The following TMEM132D variants were observed in gnomAD, a reference collection of about 807,000 sequenced individuals.
TMEM132D encodes the protein transmembrane protein 132D, also known as mature OL transmembrane protein.
Under a neutral mutation model 62.3 loss-of-function variants are expected in TMEM132D, and 21 were observed. That is an observed-to-expected ratio of 0.34 (90% confidence interval 0.24 to 0.49). TMEM132D has a LOEUF of 0.49. TMEM132D is among the 20% of genes least tolerant of loss of function. The probability of loss-of-function intolerance (pLI) is 0.99; values close to 1 mark genes in which losing one functional copy is unlikely to be tolerated. For synonymous variants in TMEM132D, 621 were observed against 575.6 expected, an observed-to-expected ratio of 1.08 and a Z score of -1.13; for missense variants, 1,346 against 1,402.8, an observed-to-expected ratio of 0.96 and a Z score of 0.65.
intron 1 of TMEM132D, among the ~76,000 whole-genome samples, chr12:129,804,487 A>G (rs1009653068): frequency 1.3e-5 from 2 of 150,892 alleles, no homozygotes; most frequent in South Asian, 2.1e-4. Context: ...ACAAAATTCA[A>G]CAACCCTTCA....
chr12:129,244,595 G>GTGTTTTTTA (rs1365946951), intron 4 of TMEM132D, among the ~76,000 whole-genome samples: 1 of 151,766 alleles, frequency 6.6e-6, no homozygotes, highest in African/African-American at 2.4e-5. Context: ...CTAAGTGGTG[G>GTGTTTTTTA]TGTTTTTTTA....
At chr12:129,225,241 C>T (rs1220121703) in intron 4 of TMEM132D, among the ~76,000 whole-genome samples, 2 of 152,186 alleles carry the variant, frequency 1.3e-5, no homozygotes, top group East Asian at 1.9e-4. Flanking sequence ...CTAAGCAAAG[C>T]TACATGTTCA....
intron 2 of TMEM132D, among the ~76,000 whole-genome samples, chr12:129,587,165 T>TA (rs775349302): frequency 1.5e-4 from 23 of 151,714 alleles, no homozygotes; most frequent in East Asian, 7.8e-4. Flanking sequence ...ATAGATGGGA[T>TA]AAAAAAAATG....
intron 4 of TMEM132D, among the ~76,000 whole-genome samples, chr12:129,234,426 C>T (rs1265722396): frequency 6.6e-6 from 1 of 152,194 alleles, no homozygotes; most frequent in Non-Finnish European, 1.5e-5. Context: ...TCTTTTCACA[C>T]CCGTTCCAGG....
chr12:129,865,517 G>A (rs1170867141), intron 1 of TMEM132D, among the ~76,000 whole-genome samples: 1 of 152,106 alleles, frequency 6.6e-6, no homozygotes, highest in Admixed American at 6.5e-5. Context: ...ACAGTTCTAC[G>A]AACACTCCAA....
intron 2 of TMEM132D, among the ~76,000 whole-genome samples, chr12:129,682,525 G>T (rs264512): frequency 5.3e-5 from 8 of 151,868 alleles, no homozygotes; most frequent in African/African-American, 1.9e-4. Flanking sequence ...TAATTATTAG[G>T]GTGTAAAGTG....
chr12:129,478,592 G>T (rs1362186629), intron 3 of TMEM132D, among the ~76,000 whole-genome samples: 1 of 152,158 alleles, frequency 6.6e-6, no homozygotes, highest in South Asian at 2.1e-4. Flanking sequence ...GCAGATAGGG[G>T]TTTCTCTCCA....
intron 1 of TMEM132D, among the ~76,000 whole-genome samples, chr12:129,735,634 C>A (rs1039403560): frequency 6.6e-6 from 1 of 151,932 alleles, no homozygotes; most frequent in Admixed American, 6.6e-5. Flanking sequence ...TTAAAAATAA[C>A]GTAGAGTGCA....
At chr12:129,295,485 C>T (rs931246823) in intron 4 of TMEM132D, among the ~76,000 whole-genome samples, 7 of 141,954 alleles carry the variant, frequency 4.9e-5, no homozygotes, top group Non-Finnish European at 9.0e-5. Flanking sequence ...GGCTGGAGTG[C>T]AGTGGCGTGA....
intron 3 of TMEM132D, among the ~76,000 whole-genome samples, chr12:129,436,017 T>C (rs914680301): frequency 3.9e-5 from 6 of 152,176 alleles, no homozygotes; most frequent in Admixed American, 3.9e-4. Context: ...TCTTTGAATA[T>C]GGATGACTCA....
At chr12:129,813,140 T>G (rs186454953) in intron 1 of TMEM132D, among the ~76,000 whole-genome samples, 1 of 151,962 alleles carries the variant, frequency 6.6e-6, no homozygotes, top group Non-Finnish European at 1.5e-5. Context: ...TCTGTAAATC[T>G]TATTAATTTC....
intron 5 of TMEM132D, among the ~76,000 whole-genome samples, chr12:129,159,622 A>G (rs919354618): frequency 6.6e-6 from 1 of 152,016 alleles, no homozygotes; most frequent in African/African-American, 2.4e-5. Context: ...TTAGCCAGGC[A>G]TGGTAGTGCA....
At chr12:129,570,116 T>C (rs946869138) in intron 2 of TMEM132D, among the ~76,000 whole-genome samples, 4 of 152,062 alleles carry the variant, frequency 2.6e-5, no homozygotes, top group African/African-American at 9.7e-5. Context: ...GATACAAGAG[T>C]CTGGAGCACA....
intron 1 of TMEM132D, among the ~76,000 whole-genome samples, chr12:129,757,667 C>T (rs1870214948): frequency 6.6e-6 from 1 of 152,186 alleles, no homozygotes; most frequent in African/African-American, 2.4e-5. Context: ...TGCCACCCTA[C>T]AGCAGCCACC....
intron 5 of TMEM132D, among the ~76,000 whole-genome samples, chr12:129,204,720 A>G (rs1471751944): frequency 6.6e-6 from 1 of 152,206 alleles, no homozygotes; most frequent in Non-Finnish European, 1.5e-5. Flanking sequence ...CCCAAGACAC[A>G]ATCATCAGAT....
intron 2 of TMEM132D, among the ~76,000 whole-genome samples, chr12:129,682,008 G>T (rs1358146496): frequency 6.6e-6 from 1 of 152,212 alleles, no homozygotes; most frequent in African/African-American, 2.4e-5. Flanking sequence ...CTGCTATCTT[G>T]CACTAGAATG....
intron 4 of TMEM132D, among the ~76,000 whole-genome samples, chr12:129,230,683 C>T (rs1325555061): frequency 6.6e-6 from 1 of 152,216 alleles, no homozygotes; most frequent in African/African-American, 2.4e-5. Context: ...GATCTCCCAT[C>T]TGAGAGCTCC....
At chr12:129,821,380 T>TG in intron 1 of TMEM132D, among the ~76,000 whole-genome samples, 1 of 152,228 alleles carries the variant, frequency 6.6e-6, no homozygotes, top group Non-Finnish European at 1.5e-5. Flanking sequence ...GTTGGCCTTC[T>TG]GGGGGGTTTG....
In TMEM132D at chr12:129,805,423, G is replaced by C. The variant is rs945946962; in HGVS notation, c.79+97838C>G. Among the ~76,000 whole-genome samples, 350 of 152,090 alleles carry C rather than the reference G, an allele frequency of 2.3e-3. 2 individuals are homozygous for C. Among genetic ancestry groups the C allele is most frequent in the African/African-American group, 7.1e-3 (295 of 41,424 alleles). ...ACCATCTGATCTTTGACAAACCTGA[G>C]AAAAACAAGCAATGGGGAAAGGATT... is the stretch of plus-strand genomic sequence containing the variant. On this transcript the variant is annotated intron_variant, in intron 1 of 8. Coordinates refer to ENST00000422113, the MANE Select transcript of TMEM132D (RefSeq NM_133448.3).
Sources: allele counts gnomAD v4.1 joint callset (sites outside exome capture counted in the v4.1 genomes callset), GRCh38; gene constraint gnomAD v4.1.1; transcripts MANE v1.5; gene names NCBI Gene and HGNC (gene_info 2026-07-23, HGNC 2026-07-21).